WWOX: variants seen among roughly 807,000 people sequenced by gnomAD.
WWOX encodes WW domain containing oxidoreductase.
WWOX carries 69 observed loss-of-function variants against 46.2 expected under a neutral mutation model. The observed-to-expected ratio is 1.49, with a 90% CI of 1.23 to 1.82. The LOEUF (loss-of-function observed/expected upper bound fraction) is 1.82. Ranked by LOEUF, WWOX falls within the 40% of genes most tolerant of loss-of-function variation. The probability of loss-of-function intolerance (pLI) is 0.00; values close to 1 mark genes in which losing one functional copy is unlikely to be tolerated. For missense variants in WWOX, 919 were observed against 542.6 expected (o/e 1.69, Z -6.89); for synonymous variants, 359 against 202.6 (o/e 1.77, Z -6.56).
In WWOX at chr16:79,211,991, T is replaced by C. The variant is rs1268294379; in HGVS notation, c.*195T>C. 11 of 1,534,804 alleles carry C rather than the reference T, an allele frequency of 7.2e-6. No homozygotes were observed. The East Asian group carries it at 9.8e-5, about 14-fold the overall frequency. Reference sequence around the variant, plus strand: ...GAATTCCTGGGGTAAAGTATCACTTTTCTGGGGCTGGGCTAGGCATAGGTC... The same window carrying C: ...GAATTCCTGGGGTAAAGTATCACTTCTCTGGGGCTGGGCTAGGCATAGGTC... On this transcript the variant is annotated 3_prime_UTR_variant, in exon 9 of 9. Coordinates refer to ENST00000566780, the MANE Select transcript of WWOX (RefSeq NM_016373.4).
chr16:78,120,335 C>G (rs1194426950), intron 4 of WWOX, among the ~76,000 whole-genome samples: 3 of 152,160 alleles, frequency 2.0e-5, no homozygotes, highest in African/African-American at 7.2e-5. Flanking sequence ...CTTTGAGAGG[C>G]CGAGGCGGGT....
chr16:78,363,523 C>A (rs1331576277), intron 5 of WWOX, among the ~76,000 whole-genome samples: 1 of 152,126 alleles, frequency 6.6e-6, no homozygotes, highest in African/African-American at 2.4e-5. Flanking sequence ...AACTGATCTT[C>A]CCAGCTTGGC....
intron 8 of WWOX, among the ~76,000 whole-genome samples, chr16:78,547,954 C>T (rs2044080862): frequency 6.6e-6 from 1 of 151,928 alleles, no homozygotes; most frequent in South Asian, 2.1e-4. Context: ...GAGTTCGAGA[C>T]CAGCCTGGCC....
At chr16:78,214,612 T>G (rs1170194522) in intron 5 of WWOX, among the ~76,000 whole-genome samples, 2 of 152,182 alleles carry the variant, frequency 1.3e-5, no homozygotes, top group African/African-American at 4.8e-5. Flanking sequence ...CACTTTCTTT[T>G]TTGAATATTC....
intron 8 of WWOX, among the ~76,000 whole-genome samples, chr16:78,461,163 T>C (rs1195899857): frequency 6.6e-6 from 1 of 152,200 alleles, no homozygotes; most frequent in Non-Finnish European, 1.5e-5. Context: ...TGGATACAGA[T>C]TTCACTATCC....
chr16:78,409,930 C>T (rs982330550), intron 6 of WWOX, among the ~76,000 whole-genome samples: 1 of 152,194 alleles, frequency 6.6e-6, no homozygotes, highest in Admixed American at 6.5e-5. Context: ...CATGAGCTCC[C>T]TGTCTCAAGG....
At chr16:79,042,387 G>A (rs1396292768) in intron 8 of WWOX, among the ~76,000 whole-genome samples, 1 of 152,138 alleles carries the variant, frequency 6.6e-6, no homozygotes, top group African/African-American at 2.4e-5. Flanking sequence ...TTTCTTGCCT[G>A]ATCAATGTAT....
intron 8 of WWOX, chr16:78,496,025 G>A (rs1003775013): frequency 2.0e-5 from 3 of 152,140 alleles, no homozygotes; most frequent in African/African-American, 4.8e-5. Flanking sequence ...GCTGAACTAT[G>A]GAGTTTTAGT....
intron 8 of WWOX, among the ~76,000 whole-genome samples, chr16:78,915,537 C>T (rs1303546687): frequency 6.6e-6 from 1 of 152,138 alleles, no homozygotes; most frequent in African/African-American, 2.4e-5. Context: ...CAAATGTTAG[C>T]AGGGGACTGG....
intron 8 of WWOX, among the ~76,000 whole-genome samples, chr16:79,141,179 A>G (rs2050082188): frequency 6.6e-6 from 1 of 152,210 alleles, no homozygotes; most frequent in Non-Finnish European, 1.5e-5. Context: ...TCAGAAACTC[A>G]AAAGAATGCA....
intron 8 of WWOX, among the ~76,000 whole-genome samples, chr16:78,637,645 G>C (rs1214329686): frequency 6.6e-6 from 1 of 152,194 alleles, no homozygotes; most frequent in Non-Finnish European, 1.5e-5. Flanking sequence ...GGAAGGGCTG[G>C]AGACGTTGTT....
chr16:78,517,918 C>A (rs1207338404), intron 8 of WWOX, among the ~76,000 whole-genome samples: 1 of 136,228 alleles, frequency 7.3e-6, no homozygotes, highest in African/African-American at 2.7e-5. Flanking sequence ...ACCAGGACAC[C>A]TCATCCTTTA....
chr16:78,608,584 G>A (rs1245639230), intron 8 of WWOX, among the ~76,000 whole-genome samples: 2 of 152,162 alleles, frequency 1.3e-5, no homozygotes, highest in African/African-American at 2.4e-5. Flanking sequence ...AGGTAAGTTC[G>A]TCAGACTTCT....
chr16:79,186,738 C>G (rs912959931), intron 8 of WWOX, among the ~76,000 whole-genome samples: 10 of 152,070 alleles, frequency 6.6e-5, no homozygotes, highest in African/African-American at 2.4e-4. Context: ...ATCTAGTATA[C>G]TTGGGACATT....
intron 8 of WWOX, among the ~76,000 whole-genome samples, chr16:78,978,775 A>T (rs975271524): frequency 9.9e-5 from 15 of 152,144 alleles, no homozygotes; most frequent in Admixed American, 7.2e-4. Flanking sequence ...GGACAACACC[A>T]AGGAGATACT....
intron 8 of WWOX, among the ~76,000 whole-genome samples, chr16:78,839,355 A>G (rs899840507): frequency 6.6e-6 from 1 of 151,980 alleles, no homozygotes; most frequent in African/African-American, 2.4e-5. Flanking sequence ...GTAATATCCA[A>G]CCTTTTCATG....
At chr16:78,855,230 G>A (rs908644420) in intron 8 of WWOX, among the ~76,000 whole-genome samples, 4 of 152,054 alleles carry the variant, frequency 2.6e-5, no homozygotes, top group African/African-American at 4.8e-5. Flanking sequence ...AAGTCTTCAC[G>A]TACTTAATGA....
intron 6 of WWOX, among the ~76,000 whole-genome samples, chr16:78,392,990 G>C (rs1055814750): frequency 2.0e-5 from 3 of 152,090 alleles, no homozygotes; most frequent in Admixed American, 1.3e-4. Flanking sequence ...CGGCCAGTGT[G>C]TCTCGGGTCA....
chr16:78,292,193 A>G (rs1180918804), intron 5 of WWOX, among the ~76,000 whole-genome samples: 2 of 150,784 alleles, frequency 1.3e-5, no homozygotes, highest in Non-Finnish European at 2.9e-5. Flanking sequence ...GATCTACATG[A>G]TGTCCTTCAG....
Sources: gnomAD v4.1 joint callset for allele counts (sites outside exome capture counted in the v4.1 genomes callset) on GRCh38, gnomAD v4.1.1 for gene constraint, MANE v1.5 for transcripts, NCBI Gene and HGNC (gene_info 2026-07-23, HGNC 2026-07-21) for gene names.